The following XPO1 variants were observed in gnomAD, a reference collection of about 807,000 sequenced individuals.
XPO1 encodes exportin-1.
A neutral mutation model predicts 133.3 loss-of-function variants in XPO1; 5 were observed. The observed-to-expected ratio is 0.04, with a 90% CI of 0.02 to 0.08. The LOEUF is 0.08. Ranked by LOEUF, XPO1 falls within the 10% of genes least tolerant of loss-of-function variation. The probability of loss-of-function intolerance (pLI) is 1.00; values close to 1 mark genes in which losing one functional copy is unlikely to be tolerated. For synonymous variants in XPO1, 419 were observed against 408.2 expected (o/e 1.03, Z -0.32); for missense variants, 506 against 1,267.5 (o/e 0.40, Z 9.12).
At chr2:61,535,216 T>C (rs1007689261) in intron 1 of XPO1, among the ~76,000 whole-genome samples, 1 of 152,226 alleles carries the variant, frequency 6.6e-6, no homozygotes, top group African/African-American at 2.4e-5. Context: ...CACTCAAACC[T>C]AATTGGTTAA....
chr2:61,491,929 A>G (rs1697020344), intron 16 of XPO1, 106 bp downstream of exon 16: 1 of 1,348,452 alleles, frequency 7.4e-7, no homozygotes, highest in East Asian at 2.5e-5. Flanking sequence ...TTTAATCAGA[A>G]ACACTTCTAT....
chr2:61,527,912 C>T (rs897726195), intron 2 of XPO1, among the ~76,000 whole-genome samples: 2 of 151,468 alleles, frequency 1.3e-5, no homozygotes, highest in African/African-American at 2.4e-5. Flanking sequence ...CATTTCCTTC[C>T]TTTATTCCTT....
intron 20 of XPO1, 136 bp from the exon 21 acceptor site, chr2:61,484,241 A>T: frequency 1.4e-6 from 1 of 691,592 alleles, no homozygotes; most frequent in East Asian, 2.8e-5. Flanking sequence ...GCCTCCTGAA[A>T]GGTAAACCCA....
intron 4 of XPO1, among the ~76,000 whole-genome samples, chr2:61,519,895 G>C (rs1310940101): frequency 6.6e-6 from 1 of 151,968 alleles, no homozygotes; most frequent in East Asian, 1.9e-4. Flanking sequence ...ATGAAACTTA[G>C]CTAAAGGGCC....
chr2:61,491,855 G>T (rs1697016320), intron 16 of XPO1, among the ~76,000 whole-genome samples, 180 bp downstream of exon 16: 1 of 152,170 alleles, frequency 6.6e-6, no homozygotes, highest in Non-Finnish European at 1.5e-5. Context: ...AGCCGTAATT[G>T]TGCCACTGCA....
At chr2:61,528,735 AT>A (rs1699022647) in intron 2 of XPO1, among the ~76,000 whole-genome samples, 1 of 1,430 alleles carries the variant, frequency 7.0e-4, no homozygotes, top group South Asian at 0.038. Flanking sequence ...CATTTTATTT[AT>A]ATATATATAT....
intron 4 of XPO1, among the ~76,000 whole-genome samples, chr2:61,515,936 AC>A (rs1698358414): frequency 2.0e-5 from 2 of 98,126 alleles, no homozygotes; most frequent in African/African-American, 4.7e-5. Context: ...AAAAAAAAAA[AC>A]CACACACACA....
intron 11 of XPO1, chr2:61,494,516 A>C (rs1697144454): frequency 6.2e-6 from 1 of 161,416 alleles, no homozygotes; most frequent in Non-Finnish European, 1.3e-5. Context: ...TTGAAAACAC[A>C]ACACCAAATA....
At chr2:61,529,180 A>G (rs1005482409) in intron 2 of XPO1, among the ~76,000 whole-genome samples, 1 of 152,130 alleles carries the variant, frequency 6.6e-6, no homozygotes, top group Non-Finnish European at 1.5e-5. Flanking sequence ...GAGCAAGAAA[A>G]AAGTTTGATG....
At chr2:61,522,436 G>A (rs1031568046) in intron 4 of XPO1, among the ~76,000 whole-genome samples, 175 bp downstream of exon 4, 2 of 152,146 alleles carry the variant, frequency 1.3e-5, no homozygotes, top group African/African-American at 2.4e-5. Flanking sequence ...TAACCTGTAA[G>A]TGGCCTTCCT....
In XPO1 at chr2:61,506,875, A is replaced by G. The variant is rs368879380; in HGVS notation, c.302-4565T>C. ...TCTCAGTTGCAAAACAGACATTTACATAACACATTTCAATTCCTTTAAACT... is the reference window on the plus strand; with the variant it reads ...TCTCAGTTGCAAAACAGACATTTACGTAACACATTTCAATTCCTTTAAACT... On this transcript the variant is annotated intron_variant, in intron 4 of 24. Transcript: ENST00000401558. 1.6e-4 allele frequency among the ~76,000 whole-genome samples: 24 copies of G among 152,210 alleles called. No individual in the cohort carries two copies. The South Asian group carries it at 4.1e-3, about 26-fold the overall frequency.
chr2:61,507,001 G>C (rs752134964), intron 4 of XPO1, among the ~76,000 whole-genome samples: 2 of 151,846 alleles, frequency 1.3e-5, no homozygotes, highest in Admixed American at 6.6e-5. Flanking sequence ...AGGCCGAGAC[G>C]GGCAGATCAT....
At chr2:61,528,184 C>A (rs180712482) in intron 2 of XPO1, among the ~76,000 whole-genome samples, 1 of 151,980 alleles carries the variant, frequency 6.6e-6, no homozygotes, top group South Asian at 2.1e-4. Flanking sequence ...CTCAGCCTCC[C>A]CAAAGTGCTG....
At chr2:61,537,339 G>A (rs1230960040) in intron 1 of XPO1, among the ~76,000 whole-genome samples, 2 of 151,442 alleles carry the variant, frequency 1.3e-5, no homozygotes, top group African/African-American at 2.4e-5. Context: ...GACCCAGCAA[G>A]CGCTCCCCTC....
intron 1 of XPO1, among the ~76,000 whole-genome samples, chr2:61,535,113 G>C (rs1699304846): frequency 6.6e-6 from 1 of 152,200 alleles, no homozygotes; most frequent in Non-Finnish European, 1.5e-5. Flanking sequence ...CCTTTTAAGA[G>C]GATTCTACTC....
Position 61,498,699 on chromosome 2 carries a change from T to C in XPO1, c.733A>G (p.Lys245Glu). 1 of 1,614,062 alleles carries C rather than the reference T, an allele frequency of 6.2e-7. No homozygotes were observed. The highest frequency in any genetic ancestry group is 1.1e-5 in the South Asian group (1 of 91,046). Residue 245 changes from lysine (K) to glutamate (E), a missense_variant, in exon 9 of 25, where the codon AAA (lysine) becomes GAA (glutamate). By Grantham distance (56) the Lys-to-Glu change is moderately conservative (BLOSUM62 1). Around this residue, in one of 6 missense-constraint regions of XPO1, gnomAD observed 134 missense variants for 261.6 expected, o/e 0.51. Transcript: ENST00000401558. ...TTATAAATCAATGTGCTGATTAATT[T>C]GGTCTCAAAAATATATCCCAGGGGA... ...WIPLGYIFETKLISTLIYKFL... is the reference protein window; with the variant it reads ...WIPLGYIFETELISTLIYKFL...
In XPO1 at chr2:61,478,800, A is replaced by G. The variant is rs1267421929; in HGVS notation, c.*20T>C. 5 of 1,610,892 alleles carry G rather than the reference A, an allele frequency of 3.1e-6. No individual in the cohort carries two copies. The highest frequency in any genetic ancestry group is 4.2e-6 in the Non-Finnish European group (5 of 1,178,558). ...TCTGCTAACGAGTTGCAGAGAAAAA[A>G]AACAGCATGAATTTGGATTTTAATC... On this transcript the variant is annotated 3_prime_UTR_variant, in exon 25 of 25. Transcript: ENST00000401558.
intron 6 of XPO1, among the ~76,000 whole-genome samples, chr2:61,500,635 C>T (rs1697464462): frequency 6.8e-6 from 1 of 146,056 alleles, no homozygotes; most frequent in African/African-American, 2.6e-5. Context: ...CCCGTCTCTA[C>T]TAAAAATACA....
chr2:61,512,805 C>A (rs11694725), intron 4 of XPO1, among the ~76,000 whole-genome samples: 8,083 of 152,276 alleles, frequency 0.053, 317 homozygotes, highest in Non-Finnish European at 0.079. Flanking sequence ...CTTTGGGAGG[C>A]TGAGACTGGC....
Sources: gnomAD v4.1 joint callset for allele counts (sites outside exome capture counted in the v4.1 genomes callset) on GRCh38, gnomAD v4.1.1 for gene constraint, gnomAD v4.1.1 regional missense constraint, MANE v1.5 for transcripts, NCBI Gene and HGNC (gene_info 2026-07-23, HGNC 2026-07-21) for gene names.